The following VAT1L variants were observed in gnomAD, a reference collection of about 807,000 sequenced individuals.
VAT1L encodes putative NADPH-dependent quinone oxidoreductase VAT1L.
Under a neutral mutation model 44.1 loss-of-function variants are expected in VAT1L, and 34 were observed. The observed-to-expected ratio is 0.77, with a 90% CI of 0.59 to 1.03. The LOEUF (loss-of-function observed/expected upper bound fraction) is 1.03, where lower values mean the gene tolerates loss of function less well. Ranked by LOEUF, VAT1L falls within the 50% of genes least tolerant of loss-of-function variation. The pLI is 0.00. For missense variants in VAT1L, 615 were observed against 538.8 expected (o/e 1.14, Z -1.40); for synonymous variants, 253 against 202.2 (o/e 1.25, Z -2.13).
intron 7 of VAT1L, among the ~76,000 whole-genome samples, chr16:77,934,886 G>A (rs1021824170): frequency 1.8e-4 from 27 of 152,244 alleles, no homozygotes; most frequent in African/African-American, 5.1e-4. Context: ...TGCAGGGCCC[G>A]GTCTGGTGGA....
intron 7 of VAT1L, among the ~76,000 whole-genome samples, chr16:77,924,794 C>T (rs915735040): frequency 6.6e-6 from 1 of 152,106 alleles, no homozygotes; most frequent in African/African-American, 2.4e-5. Context: ...TCAACCCAGA[C>T]TCCAAGACCT....
chr16:77,874,686 A>AT lies in VAT1L; in HGVS notation c.723-1683dup, dbSNP rs573316936. Among the ~76,000 whole-genome samples, 20 of 152,260 alleles carry AT rather than the reference A, an allele frequency of 1.3e-4. No homozygotes were observed. The East Asian group carries it at 3.7e-3, about 28-fold the overall frequency. On this transcript the variant is annotated intron_variant, in intron 4 of 8. Transcript: ENST00000302536. ...CACAATTCTAGAGCCCCTTAGTGGCATGAGACCACATTTCAACTTAACATT... is the reference window on the plus strand; with the variant it reads ...CACAATTCTAGAGCCCCTTAGTGGCATTGAGACCACATTTCAACTTAACATT...
chr16:77,906,323 G>A (rs1326855069), intron 7 of VAT1L, among the ~76,000 whole-genome samples: 2 of 152,116 alleles, frequency 1.3e-5, no homozygotes, highest in Non-Finnish European at 2.9e-5. Context: ...CCAGGTCTGG[G>A]GAAAACCAGG....
intron 3 of VAT1L, among the ~76,000 whole-genome samples, chr16:77,830,538 C>G (rs1040684615): frequency 6.6e-6 from 1 of 152,162 alleles, no homozygotes; most frequent in African/African-American, 2.4e-5. Context: ...GTAATTCTCA[C>G]AAGATCTGAT....
At chr16:77,907,074 T>TG (rs1342326938) in intron 7 of VAT1L, among the ~76,000 whole-genome samples, 1 of 152,212 alleles carries the variant, frequency 6.6e-6, no homozygotes, top group East Asian at 1.9e-4. Context: ...ATTAAATATT[T>TG]TAACAACCAG....
In VAT1L at chr16:77,817,055, T is replaced by A. The variant is rs1441390426; in HGVS notation, c.363+5T>A. 6.2e-7 allele frequency: 1 copy of A among 1,611,248 alleles called. No individual in the cohort carries two copies. Among genetic ancestry groups the A allele is most frequent in the Admixed American group, 1.7e-5 (1 of 59,330 alleles). On this transcript the variant is annotated splice_donor_5th_base_variant and intron_variant, in intron 2 of 8. Coordinates refer to ENST00000302536, the MANE Select transcript of VAT1L (RefSeq NM_020927.3). ...GACAGCGTGAAAGGATATGAGGTAA[T>A]GTTTGGCTCTCAATTGAAGAGTAAT...
At chr16:77,871,143 G>C (rs903436632) in intron 4 of VAT1L, among the ~76,000 whole-genome samples, 1 of 152,132 alleles carries the variant, frequency 6.6e-6, no homozygotes, top group African/African-American at 2.4e-5. Context: ...TTGACAGAAA[G>C]AGCAAAAGCA....
chr16:77,818,160 A>G (rs531325955), intron 2 of VAT1L, among the ~76,000 whole-genome samples: 1 of 152,286 alleles, frequency 6.6e-6, no homozygotes, highest in African/African-American at 2.4e-5. Context: ...AATGCAGGAC[A>G]GGAGAGCTAA....
intron 3 of VAT1L, among the ~76,000 whole-genome samples, chr16:77,852,400 T>C (rs1257820644): frequency 6.6e-6 from 1 of 152,206 alleles, no homozygotes; most frequent in African/African-American, 2.4e-5. Context: ...TGATCAGGCG[T>C]CTCGGGCACT....
chr16:77,831,395 T>A (rs17703615), intron 3 of VAT1L, among the ~76,000 whole-genome samples: 1 of 152,054 alleles, frequency 6.6e-6, no homozygotes, highest in Non-Finnish European at 1.5e-5. Context: ...AGTGGCTGAA[T>A]AAATGTTTAT....
At chr16:77,933,839 A>G (rs1241672461) in intron 7 of VAT1L, among the ~76,000 whole-genome samples, 2 of 152,232 alleles carry the variant, frequency 1.3e-5, no homozygotes, top group East Asian at 1.9e-4. Context: ...AAGTAGTCAG[A>G]TGGCACATAG....
chr16:77,911,627 G>A (rs149649452), intron 7 of VAT1L, among the ~76,000 whole-genome samples: 1 of 152,308 alleles, frequency 6.6e-6, no homozygotes, highest in East Asian at 1.9e-4. Context: ...TGGGTCAAAT[G>A]TGCCACCAGA....
intron 2 of VAT1L, among the ~76,000 whole-genome samples, chr16:77,817,645 G>C (rs567830755): frequency 2.6e-5 from 4 of 152,026 alleles, no homozygotes; most frequent in Non-Finnish European, 5.9e-5. Flanking sequence ...TGGGCAAAAA[G>C]GTTTATTACA....
intron 7 of VAT1L, among the ~76,000 whole-genome samples, chr16:77,916,045 T>C (rs1157085188): frequency 6.6e-6 from 1 of 152,206 alleles, no homozygotes; most frequent in Admixed American, 6.5e-5. Context: ...GTTCTGGGAA[T>C]GCGGAACATT....
At chr16:77,935,521 C>T (rs1261738214) in intron 7 of VAT1L, among the ~76,000 whole-genome samples, 3 of 150,894 alleles carry the variant, frequency 2.0e-5, no homozygotes, top group African/African-American at 7.3e-5. Flanking sequence ...AAAAAACTAC[C>T]CTTATTCCAA....
intron 2 of VAT1L, among the ~76,000 whole-genome samples, chr16:77,823,484 C>G (rs911395530): frequency 7.2e-5 from 11 of 152,248 alleles, no homozygotes; most frequent in Middle Eastern, 3.4e-3. Flanking sequence ...GCTTCATATG[C>G]AAACATGGCG....
At chr16:77,943,213 C>A (rs1439462698) in intron 7 of VAT1L, among the ~76,000 whole-genome samples, 3 of 150,922 alleles carry the variant, frequency 2.0e-5, no homozygotes, top group Non-Finnish European at 4.4e-5. Flanking sequence ...CTCACCACCA[C>A]ACCCAGCTAA....
At chr16:77,853,290 A>C (rs1188009025) in intron 3 of VAT1L, among the ~76,000 whole-genome samples, 1 of 152,176 alleles carries the variant, frequency 6.6e-6, no homozygotes, top group Non-Finnish European at 1.5e-5. Context: ...ACAGGATCCC[A>C]CACACTAAAC....
intron 7 of VAT1L, among the ~76,000 whole-genome samples, chr16:77,964,641 G>A (rs2018202054): frequency 6.6e-6 from 1 of 152,178 alleles, no homozygotes; most frequent in Non-Finnish European, 1.5e-5. Flanking sequence ...AGGTTCTGGA[G>A]ATTAGGGAAT....
Sources: allele counts gnomAD v4.1 joint callset (sites outside exome capture counted in the v4.1 genomes callset), GRCh38; gene constraint gnomAD v4.1.1; transcripts MANE v1.5; gene names NCBI Gene and HGNC (gene_info 2026-07-23, HGNC 2026-07-21).